MMEL1: variants seen among roughly 807,000 people sequenced by gnomAD.
The protein encoded by MMEL1 is membrane metallo-endopeptidase-like 1.
MMEL1 carries 98 observed loss-of-function variants against 117.1 expected under a neutral mutation model. That is an observed-to-expected ratio of 0.84 (90% CI 0.71 to 0.99). The LOEUF is 0.99. Among genes scored for constraint, MMEL1 ranks in the 50% least tolerant of loss-of-function variants. The probability of loss-of-function intolerance (pLI) is 0.00; values close to 1 mark genes in which losing one functional copy is unlikely to be tolerated. For synonymous variants in MMEL1, 390 were observed against 415.1 expected, an observed-to-expected ratio of 0.94 and a Z score of 0.74; for missense variants, 1,014 against 1,049.1, an observed-to-expected ratio of 0.97 and a Z score of 0.46.
chr1:2,592,824 AGC>A lies in MMEL1; in HGVS notation c.2001+7_2001+8del, dbSNP rs1315545049. The stretch of plus-strand genomic sequence containing the variant: ...CCCCCGCAGCCTGGGTGCTGGTGGC[AGC>A]GCTCACGTTCTGTTCGTCTGCCAGG... On this transcript the variant is annotated splice_region_variant and intron_variant, in intron 20 of 23. Coordinates refer to ENST00000378412, the MANE Select transcript of MMEL1 (RefSeq NM_033467.4). The A allele has an allele frequency of 6.2e-7, 1 of 1,613,218 alleles. No individual in the cohort carries two copies. Among genetic ancestry groups the A allele is most frequent in the Non-Finnish European group, 8.5e-7 (1 of 1,179,796 alleles).
intron 2 of MMEL1, among the ~76,000 whole-genome samples, chr1:2,620,358 A>G (rs1043435351): frequency 6.6e-6 from 1 of 152,184 alleles, no homozygotes; most frequent in Non-Finnish European, 1.5e-5. Flanking sequence ...AGCGCTAAAT[A>G]AAGTAATTTT....
At chr1:2,623,629 G>C (rs963760414) in intron 2 of MMEL1, among the ~76,000 whole-genome samples, 1 of 152,228 alleles carries the variant, frequency 6.6e-6, no homozygotes, top group African/African-American at 2.4e-5. Flanking sequence ...TGCTACATGA[G>C]TTTGGAGTAG....
At chr1:2,596,141 T>G (rs756074933) in intron 14 of MMEL1, 34 bp from the exon 15 acceptor site, 2 of 1,576,464 alleles carry the variant, frequency 1.3e-6, no homozygotes, top group Non-Finnish European at 1.7e-6. Context: ...TGTCCCAGAC[T>G]CATCTGGAGG....
chr1:2,621,678 C>T (rs1033465359), intron 2 of MMEL1, among the ~76,000 whole-genome samples: 4 of 152,164 alleles, frequency 2.6e-5, no homozygotes, highest in Admixed American at 1.3e-4. Context: ...ATTCTCCTGC[C>T]TCAGCCTCCC....
chr1:2,620,542 A>G (rs1047595379), intron 2 of MMEL1, among the ~76,000 whole-genome samples: 2 of 152,100 alleles, frequency 1.3e-5, no homozygotes, highest in African/African-American at 4.8e-5. Context: ...TTGTGGTTTG[A>G]AGCCCTAACC....
intron 4 of MMEL1, 72 bp downstream of exon 4, chr1:2,611,209 G>T (rs1645120926): frequency 1.0e-5 from 15 of 1,450,506 alleles, no homozygotes; most frequent in Non-Finnish European, 1.4e-5. Flanking sequence ...CCTTGGGCGG[G>T]GCCTACGTCA....
Position 2,609,473 on chromosome 1 carries a change from G to A in MMEL1, c.455-54C>T, listed in dbSNP as rs563174885. The A allele has an allele frequency of 2.2e-4, 344 of 1,567,422 alleles. 1 individual carries two copies. In the South Asian group the frequency reaches 3.5e-3, roughly 16 times the overall value. On this transcript the variant is annotated intron_variant, in intron 5 of 23. Transcript: ENST00000378412. ...GGCCTGACGAGGCTGCAGGGGCCAG[G>A]TCACAGGTCCCTACACCCCCTGAAG...
intron 2 of MMEL1, among the ~76,000 whole-genome samples, chr1:2,624,912 C>T (rs947151399): frequency 1.1e-4 from 16 of 152,182 alleles, no homozygotes; most frequent in African/African-American, 3.4e-4. Flanking sequence ...AAGCACGTCT[C>T]ACCATGGTGG....
intron 2 of MMEL1, among the ~76,000 whole-genome samples, chr1:2,627,362 A>G (rs985482699): frequency 1.3e-5 from 2 of 152,238 alleles, no homozygotes; most frequent in African/African-American, 4.8e-5. Context: ...TTAAGAAATC[A>G]TTTTCTTGAT....
chr1:2,608,932 CAT>C (rs1325528714), intron 6 of MMEL1, among the ~76,000 whole-genome samples: 3 of 151,756 alleles, frequency 2.0e-5, no homozygotes, highest in Admixed American at 2.0e-4. Flanking sequence ...CACGTATACA[CAT>C]ATACATACAC....
chr1:2,615,262 C>T (rs1221502612), intron 2 of MMEL1, among the ~76,000 whole-genome samples: 1 of 152,188 alleles, frequency 6.6e-6, no homozygotes, highest in Non-Finnish European at 1.5e-5. Context: ...AAACCAGACA[C>T]TACCTCCAGC....
intron 6 of MMEL1, among the ~76,000 whole-genome samples, chr1:2,608,956 A>C (rs984030212): frequency 4.6e-5 from 7 of 152,122 alleles, no homozygotes; most frequent in Admixed American, 1.3e-4. Flanking sequence ...ATATACATAC[A>C]TATACACACA....
At chr1:2,599,289 T>C (rs946767369) in intron 11 of MMEL1, among the ~76,000 whole-genome samples, 6 of 152,176 alleles carry the variant, frequency 3.9e-5, no homozygotes, top group Non-Finnish European at 7.4e-5. Flanking sequence ...GCAGAGTAAA[T>C]AATAAGCCAG....
At chr1:2,609,203 C>G (rs538055913) in intron 6 of MMEL1, 136 bp downstream of exon 6, 2 of 805,828 alleles carry the variant, frequency 2.5e-6, no homozygotes, top group Non-Finnish European at 4.0e-6. Flanking sequence ...AGCACATAGA[C>G]CCTCTGGCAT....
Position 2,629,344 on chromosome 1 carries a change from G to T in MMEL1, c.141C>A (p.Tyr47Ter), listed in dbSNP as rs1463923833. 3.2e-6 allele frequency: 5 copies of T among 1,541,026 alleles called. No homozygotes were observed. The highest frequency in any genetic ancestry group is 3.5e-6 in the Non-Finnish European group (4 of 1,145,684). Residue 47 changes from tyrosine to a stop codon, truncating the protein, a stop_gained, in exon 2 of 24, where the codon TAC becomes TAA. Transcript: ENST00000378412. LOFTEE classifies it high-confidence loss of function. ...TAALVALGVL[Y>*]ADRRGKQLPR... ...ACCCGCACTCACCTCTGCGGTCGGC[G>T]TAGAGGACACCCAAGGCCACCAGGG...
intron 2 of MMEL1, among the ~76,000 whole-genome samples, chr1:2,621,167 C>T (rs531256086): frequency 3.3e-4 from 50 of 152,094 alleles, no homozygotes; most frequent in Non-Finnish European, 6.3e-4. Flanking sequence ...TGCCTGAGGT[C>T]CCAGCTACTT....
chr1:2,611,421 T>C, intron 3 of MMEL1, 81 bp from the exon 4 acceptor site: 1 of 851,648 alleles, frequency 1.2e-6, no homozygotes, highest in Non-Finnish European at 1.6e-6. Flanking sequence ...CGGGGCAAGG[T>C]CTGGTGGGTG....
At chr1:2,607,674 G>A (rs1369399136) in intron 6 of MMEL1, among the ~76,000 whole-genome samples, 1 of 152,168 alleles carries the variant, frequency 6.6e-6, no homozygotes, top group African/African-American at 2.4e-5. Flanking sequence ...GGCACAGCAT[G>A]GCAGGTGCCC....
intron 13 of MMEL1, among the ~76,000 whole-genome samples, chr1:2,597,460 C>T (rs2100932204): frequency 6.6e-6 from 1 of 152,238 alleles, no homozygotes; most frequent in Admixed American, 6.5e-5. Flanking sequence ...CTCCCCTCTG[C>T]CCTTAGCCCC....
Sources: allele counts gnomAD v4.1 joint callset (sites outside exome capture counted in the v4.1 genomes callset), GRCh38; gene constraint gnomAD v4.1.1; transcripts MANE v1.5; gene names NCBI Gene and HGNC (gene_info 2026-07-23, HGNC 2026-07-21).